The following ARL15 variants were observed in gnomAD, a reference collection of about 807,000 sequenced individuals.
ARL15 encodes ARF like GTPase 15.
A neutral mutation model predicts 25.2 loss-of-function variants in ARL15; 19 were observed. That is an observed-to-expected ratio of 0.75 (90% CI 0.53 to 1.10). ARL15 has a LOEUF of 1.10. Among genes scored for constraint, ARL15 ranks in the 50% least tolerant of loss-of-function variants. The pLI, the probability that ARL15 is intolerant of heterozygous loss-of-function variation, is 0.00. For missense variants in ARL15, 220 were observed against 246.0 expected, an observed-to-expected ratio of 0.89 and a Z score of 0.71; for synonymous variants, 94 against 86.8, an observed-to-expected ratio of 1.08 and a Z score of -0.46.
chr5:54,168,415 C>A (rs58081849), intron 2 of ARL15, among the ~76,000 whole-genome samples: 31,940 of 149,312 alleles, frequency 0.21, 4,062 homozygotes, highest in East Asian at 0.68. Flanking sequence ...TTTTTTTTAA[C>A]AATTCACCAA....
At chr5:54,032,192 G>A (rs1014614128) in intron 4 of ARL15, among the ~76,000 whole-genome samples, 3 of 151,810 alleles carry the variant, frequency 2.0e-5, no homozygotes, top group African/African-American at 4.8e-5. Flanking sequence ...TTTTTCTTAG[G>A]TCTAAATGAC....
At chr5:54,229,535 C>A (rs1371252236) in intron 1 of ARL15, among the ~76,000 whole-genome samples, 1 of 152,160 alleles carries the variant, frequency 6.6e-6, no homozygotes, top group East Asian at 1.9e-4. Flanking sequence ...GAAAACATTA[C>A]TAACAAACAG....
intron 1 of ARL15, among the ~76,000 whole-genome samples, chr5:54,212,763 T>C (rs1228524598): frequency 6.6e-6 from 1 of 152,178 alleles, no homozygotes; most frequent in African/African-American, 2.4e-5. Context: ...AGATTAAGCA[T>C]GTTTGGTGGT....
intron 1 of ARL15, among the ~76,000 whole-genome samples, chr5:54,196,075 T>C (rs1438852233): frequency 1.3e-5 from 2 of 152,194 alleles, no homozygotes; most frequent in African/African-American, 2.4e-5. Flanking sequence ...TAGAATTCTA[T>C]TGTATGGCTA....
chr5:54,233,858 G>T (rs984448744), intron 1 of ARL15, among the ~76,000 whole-genome samples: 3 of 152,184 alleles, frequency 2.0e-5, no homozygotes, highest in African/African-American at 7.2e-5. Context: ...AGGCAAATAT[G>T]AGACTCTAGC....
At chr5:54,181,237 C>G (rs1181813481) in intron 1 of ARL15, among the ~76,000 whole-genome samples, 1 of 152,048 alleles carries the variant, frequency 6.6e-6, no homozygotes, top group Admixed American at 6.5e-5. Flanking sequence ...TTAAAAAAAT[C>G]TAATTCTTAC....
At chr5:54,021,827 T>G (rs962964359) in intron 4 of ARL15, among the ~76,000 whole-genome samples, 1 of 152,086 alleles carries the variant, frequency 6.6e-6, no homozygotes, top group Non-Finnish European at 1.5e-5. Context: ...TGGAAATCCA[T>G]GCCAAGATAC....
intron 4 of ARL15, among the ~76,000 whole-genome samples, chr5:54,074,907 G>A (rs1362157073): frequency 1.3e-5 from 2 of 151,364 alleles, no homozygotes; most frequent in Non-Finnish European, 2.9e-5. Context: ...CTCAGTGGTA[G>A]CAATCTTCAC....
chr5:54,063,777 C>G (rs988505115), intron 4 of ARL15, among the ~76,000 whole-genome samples: 1 of 152,178 alleles, frequency 6.6e-6, no homozygotes, highest in African/African-American at 2.4e-5. Flanking sequence ...CAAATTACCA[C>G]TTCCATGTCT....
intron 4 of ARL15, among the ~76,000 whole-genome samples, chr5:53,891,075 T>C (rs766625925): frequency 6.6e-6 from 1 of 152,214 alleles, no homozygotes; most frequent in Non-Finnish European, 1.5e-5. Flanking sequence ...AGAAGGCATG[T>C]AAACAGTTTT....
intron 4 of ARL15, among the ~76,000 whole-genome samples, chr5:54,050,219 A>G (rs558242693): frequency 6.6e-6 from 1 of 152,298 alleles, no homozygotes; most frequent in Admixed American, 6.5e-5. Context: ...GTTTACTTCG[A>G]TCTGGTGCTA....
At chr5:54,075,413 C>T (rs1255232644) in intron 4 of ARL15, 2 of 153,834 alleles carry the variant, frequency 1.3e-5, no homozygotes, top group Non-Finnish European at 2.9e-5. Context: ...ATTTTATTCA[C>T]AAGGCAGCCA....
chr5:54,287,283 C>T (rs145582755), intron 1 of ARL15, among the ~76,000 whole-genome samples: 50 of 151,958 alleles, frequency 3.3e-4, no homozygotes, highest in African/African-American at 1.1e-3. Flanking sequence ...CAGGAGAAAG[C>T]GGTAATTAAA....
chr5:54,164,887 CTG>C (rs1208862508), intron 2 of ARL15, among the ~76,000 whole-genome samples: 1 of 151,910 alleles, frequency 6.6e-6, no homozygotes. Context: ...TTAGGTTTGA[CTG>C]TATCACCTTT....
intron 4 of ARL15, among the ~76,000 whole-genome samples, chr5:54,077,049 C>A (rs1751632482): frequency 6.6e-6 from 1 of 152,156 alleles, no homozygotes; most frequent in South Asian, 2.1e-4. Flanking sequence ...TTTAGTTGTG[C>A]TTCATCATCA....
At chr5:54,190,452 C>T (rs1708069501) in intron 1 of ARL15, among the ~76,000 whole-genome samples, 1 of 151,866 alleles carries the variant, frequency 6.6e-6, no homozygotes, top group East Asian at 1.9e-4. Flanking sequence ...TTAGACTGTT[C>T]CTGTTGCTCC....
intron 4 of ARL15, among the ~76,000 whole-genome samples, chr5:53,966,452 A>G (rs1747569765): frequency 6.6e-6 from 1 of 152,214 alleles, no homozygotes; most frequent in African/African-American, 2.4e-5. Flanking sequence ...CTGCTCCAGC[A>G]AGTTAACAGA....
intron 4 of ARL15, among the ~76,000 whole-genome samples, chr5:54,020,504 CAAGTA>C (rs982425972): frequency 7.9e-5 from 12 of 152,132 alleles, no homozygotes; most frequent in African/African-American, 2.2e-4. Flanking sequence ...CCCCATTGAA[CAAGTA>C]AAGAGGTAGA....
intron 1 of ARL15, among the ~76,000 whole-genome samples, chr5:54,183,763 T>G (rs1364221057): frequency 6.6e-5 from 10 of 150,996 alleles, no homozygotes; most frequent in East Asian, 4.0e-4. Context: ...TATACCCAAA[T>G]GACTATAAAT....
Sources: gnomAD v4.1 joint callset for allele counts (sites outside exome capture counted in the v4.1 genomes callset) on GRCh38, gnomAD v4.1.1 for gene constraint, MANE v1.5 for transcripts, NCBI Gene and HGNC (gene_info 2026-07-23, HGNC 2026-07-21) for gene names.